CCDC34: variants seen among roughly 807,000 people sequenced by gnomAD.
CCDC34 encodes coiled-coil domain-containing protein 34.
CCDC34 carries 40 observed loss-of-function variants against 44.1 expected under a neutral mutation model. The ratio of observed to expected loss-of-function variants is 0.91; its 90% CI spans 0.70 to 1.18. CCDC34 has a LOEUF of 1.18. Ranked by LOEUF, CCDC34 falls within the 50% of genes most tolerant of loss-of-function variation. The pLI is 0.00. For missense variants in CCDC34, 466 were observed against 452.3 expected (o/e 1.03, Z -0.28); for synonymous variants, 159 against 158.2 (o/e 1.01, Z -0.04).
chr11:27,363,160 G>C lies in CCDC34; in HGVS notation c.35C>G (p.Pro12Arg). 6.6e-7 allele frequency: 1 copy of C among 1,504,230 alleles called. No homozygotes were observed. The highest frequency in any genetic ancestry group is 8.8e-7 in the Non-Finnish European group (1 of 1,131,826). The allele number at this position is 1,504,230 out of a possible 1,614,324, so 93.2% of individuals were successfully genotyped here. ...WAAGRWGPTF[P>R]SSYAGFSADC... The stretch of plus-strand genomic sequence containing the variant: ...AGCAGAGAAACCGGCGTAGGAAGAG[G>C]GAAAAGTAGGCCCCCAGCGCCCCGC... Residue 12 changes from proline to arginine, a missense_variant, in exon 1 of 6, where the codon CCC (proline) becomes CGC (arginine). Coordinates refer to ENST00000328697, the MANE Select transcript of CCDC34 (RefSeq NM_030771.2).
At position 27,344,436 on chromosome 11, in the gene CCDC34, T is replaced by C. The variant is rs539388530; in HGVS notation, c.607-2886A>G. Among the ~76,000 whole-genome samples the C allele has an allele frequency of 1.2e-4, 19 of 152,192 alleles. No homozygotes were observed. In the South Asian group the frequency reaches 3.7e-3, roughly 30 times the overall value. On this transcript the variant is annotated intron_variant, in intron 3 of 5. Coordinates refer to ENST00000328697, the MANE Select transcript of CCDC34 (RefSeq NM_030771.2). ...TGCTATATATTATAAACATGTGTGT[T>C]ACATATATGCTATAACATGTTACTT...
At chr11:27,342,330 C>T (rs1175828538) in intron 3 of CCDC34, among the ~76,000 whole-genome samples, 1 of 142,716 alleles carries the variant, frequency 7.0e-6, no homozygotes, top group African/African-American at 2.5e-5. Flanking sequence ...CACACACACA[C>T]ATTTATATAT....
chr11:27,347,276 G>C (rs547559313), intron 3 of CCDC34, among the ~76,000 whole-genome samples: 2 of 152,212 alleles, frequency 1.3e-5, no homozygotes, highest in South Asian at 4.2e-4. Flanking sequence ...GATGTAAAAT[G>C]GTACATGTAC....
Position 27,363,179 on chromosome 11 carries a change from G to T in CCDC34, c.16C>A (p.Arg6Ser). The change falls in exon 1 of 6, where the codon CGC (arginine) becomes AGC (serine). Residue 6 changes from arginine to serine, a missense_variant. Transcript: ENST00000328697. ...GAAGAGGGAAAAGTAGGCCCCCAGC[G>T]CCCCGCCGCCCACATCTGGCCCGCC... MWAAGRWGPTFPSSYA... is the reference protein window; with the variant it reads MWAAGSWGPTFPSSYA... 1 of 1,485,008 alleles carries T rather than the reference G, an allele frequency of 6.7e-7. No individual in the cohort carries two copies. The highest frequency in any genetic ancestry group is 8.9e-7 in the Non-Finnish European group (1 of 1,124,362). 92.0% of individuals were successfully genotyped at this position (1,485,008 alleles called of 1,614,324 possible).
chr11:27,352,690 T>C (rs1422663445), intron 2 of CCDC34, among the ~76,000 whole-genome samples: 2 of 152,178 alleles, frequency 1.3e-5, no homozygotes, highest in African/African-American at 4.8e-5. Flanking sequence ...CCTTTTAAGA[T>C]TCTTCATTTA....
chr11:27,340,678 C>T lies in CCDC34; in HGVS notation c.907+18G>A, dbSNP rs202052209. On this transcript the variant is annotated intron_variant, in intron 5 of 5. Coordinates refer to ENST00000328697, the MANE Select transcript of CCDC34 (RefSeq NM_030771.2). ...CTGCAAACCATATTTATGTAAGCCA[C>T]ACAACATAAAAACCAACCTGTAAGT... 175 of 1,598,620 alleles carry T rather than the reference C, an allele frequency of 1.1e-4. No homozygotes were observed. Among genetic ancestry groups the T allele is most frequent in the Non-Finnish European group, 1.3e-4 (157 of 1,173,684 alleles).
intron 2 of CCDC34, among the ~76,000 whole-genome samples, chr11:27,354,903 A>G (rs1022646486): frequency 6.6e-6 from 1 of 152,046 alleles, no homozygotes; most frequent in African/African-American, 2.4e-5. Flanking sequence ...TAACTACTCC[A>G]CTATTGTCTC....
Position 27,363,213 on chromosome 11 carries a change from A to T in CCDC34, c.-19T>A, listed in dbSNP as rs1764378035. 6.9e-7 allele frequency: 1 copy of T among 1,444,534 alleles called. No homozygotes were observed. Among genetic ancestry groups the T allele is most frequent in the African/African-American group, 1.5e-5 (1 of 68,730 alleles). 89.5% of individuals were successfully genotyped at this position (1,444,534 alleles called of 1,614,324 possible). A position where few individuals can be genotyped will look rare whatever the true frequency, so the allele number is the denominator to read the frequency against. ...CCCACATCTGGCCCGCCAAGTTCAA[A>T]CTGGCGGAGCCGCGGCGGGGACGCG... On this transcript the variant is annotated 5_prime_UTR_variant, in exon 1 of 6. Coordinates refer to ENST00000328697, the MANE Select transcript of CCDC34 (RefSeq NM_030771.2).
At chr11:27,339,070 A>G in intron 5 of CCDC34, 35 bp from the exon 6 acceptor site, 1 of 1,520,684 alleles carries the variant, frequency 6.6e-7, no homozygotes, top group South Asian at 1.2e-5. Context: ...AAAACAAGGA[A>G]AAACTTTCTT....
rs147273317 is a variant in CCDC34 at position 27,339,162 on chromosome 11, C to T, written c.908-127G>A. ...AATTATCACTAATAAGCCAATGTGA[C>T]TTATTTGAAACTTAAACTCCTTGAT... is the stretch of plus-strand genomic sequence containing the variant. On this transcript the variant is annotated intron_variant, in intron 5 of 5. Coordinates refer to ENST00000328697, the MANE Select transcript of CCDC34 (RefSeq NM_030771.2). 1.5e-4 allele frequency: 98 copies of T among 660,428 alleles called. No homozygotes were observed. In the African/African-American group the frequency reaches 1.7e-3, roughly 12 times the overall value. The allele number at this position is 660,428 out of a possible 1,614,324, so 40.9% of individuals were successfully genotyped here. A position where few individuals can be genotyped will look rare whatever the true frequency, so the allele number is the denominator to read the frequency against.
chr11:27,360,526 T>C (rs1862647311), intron 1 of CCDC34, among the ~76,000 whole-genome samples: 1 of 152,076 alleles, frequency 6.6e-6, no homozygotes, highest in South Asian at 2.1e-4. Flanking sequence ...CCCACACAGC[T>C]CTAGGTTGCT....
chr11:27,358,966 C>CT lies in CCDC34; in HGVS notation c.360-1426_360-1425insA, dbSNP rs1208578430. The stretch of plus-strand genomic sequence containing the variant: ...TCCTTGTCAACATGTGGACCCCCCC[C>CT]CCCCACCGCCACCACCTCCCATACC... On this transcript the variant is annotated intron_variant, in intron 1 of 5. Transcript: ENST00000328697. 4.2e-5 allele frequency among the ~76,000 whole-genome samples: 5 copies of CT among 119,012 alleles called. No homozygotes were observed. In the South Asian group the frequency reaches 1.2e-3, roughly 29 times the overall value. The allele number at this position is 119,012 out of a possible 152,430, so 78.1% of individuals were successfully genotyped here.
intron 3 of CCDC34, among the ~76,000 whole-genome samples, chr11:27,342,204 A>C (rs1011258758): frequency 1.3e-5 from 2 of 151,692 alleles, no homozygotes; most frequent in Non-Finnish European, 2.9e-5. Flanking sequence ...TGTTGAATAA[A>C]TGATAGTGAG....
At chr11:27,345,753 CATGT>C (rs1247823510) in intron 3 of CCDC34, among the ~76,000 whole-genome samples, 1 of 152,190 alleles carries the variant, frequency 6.6e-6, no homozygotes, top group Admixed American at 6.5e-5. Flanking sequence ...CATACACATG[CATGT>C]GTCTTTATAG....
At chr11:27,361,756 G>A (rs955137789) in intron 1 of CCDC34, among the ~76,000 whole-genome samples, 1 of 152,182 alleles carries the variant, frequency 6.6e-6, no homozygotes, top group African/African-American at 2.4e-5. Context: ...ACCCTGTACT[G>A]AAGGGGGAAT....
chr11:27,342,771 A>G (rs1236719414), intron 3 of CCDC34, among the ~76,000 whole-genome samples: 2 of 152,242 alleles, frequency 1.3e-5, no homozygotes, highest in African/African-American at 4.8e-5. Context: ...TATAGAAAAA[A>G]AAATATTGAT....
At chr11:27,362,576 CTA>C (rs1468403536) in intron 1 of CCDC34, among the ~76,000 whole-genome samples, 4 of 152,066 alleles carry the variant, frequency 2.6e-5, no homozygotes, top group Admixed American at 1.3e-4. Context: ...GTGTTTGAGA[CTA>C]TGTACATTTT....
rs181228197 is a variant in CCDC34 at position 27,362,770 on chromosome 11, G to T, written c.359+66C>A. ...GCGGAGGGCAGGAGGATGTTAGAAG[G>T]GGGTACTTAAGAGGGTCTAAGGAAT... On this transcript the variant is annotated intron_variant, in intron 1 of 5. Transcript: ENST00000328697. The T allele has an allele frequency of 5.1e-4, 782 of 1,530,834 alleles. 8 individuals carry two copies. In the South Asian group the frequency reaches 9.2e-3, roughly 18 times the overall value. The allele number at this position is 1,530,834 out of a possible 1,614,324, so 94.8% of individuals were successfully genotyped here. A position where few individuals can be genotyped will look rare whatever the true frequency, so the allele number is the denominator to read the frequency against.
rs554403183 is a variant in CCDC34, at chr11:27,362,819, G to A, written c.359+17C>T. 15 of 1,609,180 alleles carry A rather than the reference G, an allele frequency of 9.3e-6. No individual in the cohort carries two copies. The highest frequency in any genetic ancestry group is 1.3e-5 in the African/African-American group (1 of 74,784). On this transcript the variant is annotated intron_variant, in intron 1 of 5. Coordinates refer to ENST00000328697, the MANE Select transcript of CCDC34 (RefSeq NM_030771.2). ...ATCTTGAAAAGGGCTGAATCGGCCG[G>A]GCGGCCTCGGGTTTACCTGGCGCAC...
Sources: allele counts gnomAD v4.1 joint callset (sites outside exome capture counted in the v4.1 genomes callset), GRCh38; gene constraint gnomAD v4.1.1; transcripts MANE v1.5; gene names NCBI Gene and HGNC (gene_info 2026-07-23, HGNC 2026-07-21).